The following NELL1 variants were observed in gnomAD, a reference collection of about 807,000 sequenced individuals.
The protein encoded by NELL1 is protein kinase C-binding protein NELL1.
A neutral mutation model predicts 107.4 loss-of-function variants in NELL1; 76 were observed. The ratio of observed to expected loss-of-function variants is 0.71; its 90% confidence interval spans 0.59 to 0.86. The LOEUF (loss-of-function observed/expected upper bound fraction) is 0.86. Among genes scored for constraint, NELL1 ranks in the 40% least tolerant of loss-of-function variants. The pLI, the probability that NELL1 is intolerant of heterozygous loss-of-function variation, is 0.00. For missense variants in NELL1, 1,024 were observed against 1,005.5 expected (o/e 1.02, Z -0.25); for synonymous variants, 353 against 341.2 (o/e 1.03, Z -0.38).
chr11:21,276,763 T>C (rs886875144), intron 14 of NELL1, among the ~76,000 whole-genome samples: 4 of 152,196 alleles, frequency 2.6e-5, no homozygotes, highest in African/African-American at 9.7e-5. Flanking sequence ...AACCATCTGA[T>C]CTTTGACAAA....
intron 14 of NELL1, among the ~76,000 whole-genome samples, chr11:21,257,635 T>A (rs1328474095): frequency 6.6e-6 from 1 of 151,806 alleles, no homozygotes; most frequent in Non-Finnish European, 1.5e-5. Flanking sequence ...GTTAGAGGAG[T>A]CATAGATGTT....
chr11:21,019,153 TG>T (rs1340089126), intron 12 of NELL1, among the ~76,000 whole-genome samples: 1 of 152,168 alleles, frequency 6.6e-6, no homozygotes, highest in Non-Finnish European at 1.5e-5. Flanking sequence ...CTGAGCTTCA[TG>T]TTCATGCTCT....
chr11:20,803,758 G>A lies in NELL1; in HGVS notation c.335+19928G>A, dbSNP rs551691823. Among the ~76,000 whole-genome samples, 4 of 152,266 alleles carry A rather than the reference G, an allele frequency of 2.6e-5. No homozygotes were observed. In the South Asian group the frequency reaches 8.3e-4, roughly 32 times the overall value. On this transcript the variant is annotated intron_variant, in intron 3 of 19. Transcript: ENST00000357134. The stretch of plus-strand genomic sequence containing the variant: ...ATTGATCCTGGGTGTGTCTATGAGG[G>A]TGTTGCCAAAGGAGATTAACATTAG...
At position 20,718,517 on chromosome 11, in the gene NELL1, A is replaced by AGT. The variant is rs555597679; in HGVS notation, c.184+40458_184+40459insTG. Among the ~76,000 whole-genome samples, 639 of 151,962 alleles carry AGT rather than the reference A, an allele frequency of 4.2e-3. 6 individuals carry two copies. Among genetic ancestry groups the AGT allele is most frequent in the Non-Finnish European group, 6.3e-3 (429 of 67,978 alleles). ...AATATTTTTTCTTTCACTGAGCATCAGCTATGTGCTAGGCACAGTACTGGG... is the reference window on the plus strand; with the variant it reads ...AATATTTTTTCTTTCACTGAGCATCAGTGCTATGTGCTAGGCACAGTACTGGG... On this transcript the variant is annotated intron_variant, in intron 2 of 19. Transcript: ENST00000357134.
chr11:21,004,752 A>G (rs1852293998), intron 12 of NELL1, among the ~76,000 whole-genome samples: 1 of 152,092 alleles, frequency 6.6e-6, no homozygotes, highest in Non-Finnish European at 1.5e-5. Flanking sequence ...TTTTAAAATA[A>G]AATTAGAGTG....
intron 12 of NELL1, among the ~76,000 whole-genome samples, chr11:21,044,005 G>A (rs1853299018): frequency 6.6e-6 from 1 of 152,152 alleles, no homozygotes; most frequent in Non-Finnish European, 1.5e-5. Context: ...ATCTGCTACT[G>A]GAGATATATC....
At chr11:21,463,038 A>G (rs1205300076) in intron 15 of NELL1, among the ~76,000 whole-genome samples, 1 of 152,104 alleles carries the variant, frequency 6.6e-6, no homozygotes, top group Non-Finnish European at 1.5e-5. Context: ...CATTAAGAAT[A>G]AATTTGCTGA....
At chr11:20,810,514 C>T (rs1432679809) in intron 3 of NELL1, among the ~76,000 whole-genome samples, 1 of 152,218 alleles carries the variant, frequency 6.6e-6, no homozygotes, top group Admixed American at 6.5e-5. Context: ...ATAATAGTCT[C>T]CAATCTCATC....
chr11:21,252,030 A>G (rs1858651636), intron 14 of NELL1, among the ~76,000 whole-genome samples: 1 of 152,178 alleles, frequency 6.6e-6, no homozygotes, highest in South Asian at 2.1e-4. Context: ...GAGTGTTTAC[A>G]CGCAAGACTG....
intron 14 of NELL1, among the ~76,000 whole-genome samples, chr11:21,335,116 T>A (rs776567702): frequency 6.6e-5 from 10 of 152,072 alleles, no homozygotes; most frequent in Non-Finnish European, 1.3e-4. Flanking sequence ...AAACTCATAA[T>A]ATGGAAGATA....
intron 13 of NELL1, among the ~76,000 whole-genome samples, chr11:21,196,293 T>G (rs1857150220): frequency 6.6e-6 from 1 of 152,150 alleles, no homozygotes; most frequent in Non-Finnish European, 1.5e-5. Flanking sequence ...ACCAGTGGCT[T>G]CCTACCGTAC....
chr11:21,277,914 G>T (rs1399253244), intron 14 of NELL1, among the ~76,000 whole-genome samples: 1 of 152,148 alleles, frequency 6.6e-6, no homozygotes, highest in Non-Finnish European at 1.5e-5. Flanking sequence ...TGAGGGAAGG[G>T]GGAGGGATAG....
At position 21,324,852 on chromosome 11, in the gene NELL1, A is replaced by T. The variant is rs115089443; in HGVS notation, c.1550-46001A>T. 7.5e-3 allele frequency among the ~76,000 whole-genome samples: 1,148 copies of T among 152,204 alleles called. 14 individuals carry two copies. The highest frequency in any genetic ancestry group is 0.026 in the African/African-American group (1,088 of 41,554). Reference sequence around the variant, plus strand: ...TGTTATAGAGTAAGGTCTTGAAAACACTGACTCTTCACTGAGAAATGCATT... The same window carrying T: ...TGTTATAGAGTAAGGTCTTGAAAACTCTGACTCTTCACTGAGAAATGCATT... On this transcript the variant is annotated intron_variant, in intron 14 of 19. Coordinates refer to ENST00000357134, the MANE Select transcript of NELL1 (RefSeq NM_006157.5).
intron 13 of NELL1, among the ~76,000 whole-genome samples, chr11:21,185,935 G>T (rs1856925865): frequency 6.6e-6 from 1 of 151,814 alleles, no homozygotes; most frequent in Admixed American, 6.6e-5. Flanking sequence ...GGAGCTCACA[G>T]AACTTATTGG....
In NELL1 at chr11:21,474,446, C is replaced by A. The variant is rs186875373; in HGVS notation, c.1646-59928C>A. On this transcript the variant is annotated intron_variant, in intron 15 of 19. Coordinates refer to ENST00000357134, the MANE Select transcript of NELL1 (RefSeq NM_006157.5). ...CTTGCTTGCTGCTGAATTCCCAAAG[C>A]CAAGAACAATATTCAGCACATAGTA... 3.3e-5 allele frequency among the ~76,000 whole-genome samples: 5 copies of A among 151,872 alleles called. No homozygotes were observed. The East Asian group carries it at 9.7e-4, about 29-fold the overall frequency.
chr11:21,224,360 G>T (rs931626631), intron 13 of NELL1, among the ~76,000 whole-genome samples: 1 of 151,338 alleles, frequency 6.6e-6, no homozygotes, highest in African/African-American at 2.4e-5. Flanking sequence ...CTCCTGTGAA[G>T]TTATGACCAC....
At chr11:20,949,524 G>T (rs1217562517) in intron 11 of NELL1, among the ~76,000 whole-genome samples, 2 of 152,238 alleles carry the variant, frequency 1.3e-5, no homozygotes, top group East Asian at 3.9e-4. Context: ...CTATTTGTTG[G>T]GGTGCCAAGT....
chr11:21,565,659 G>A lies in NELL1; in HGVS notation c.1981-5105G>A, dbSNP rs1032113304. Reference sequence around the variant, plus strand: ...TTTTCCTATCCCCTAGCCTCCTCACGATACAAAAGGTGCATCACAGTGGAA... The same window carrying A: ...TTTTCCTATCCCCTAGCCTCCTCACAATACAAAAGGTGCATCACAGTGGAA... On this transcript the variant is annotated intron_variant, in intron 17 of 19. Transcript: ENST00000357134. 3.3e-5 allele frequency among the ~76,000 whole-genome samples: 5 copies of A among 151,866 alleles called. No individual in the cohort carries two copies. In the East Asian group the frequency reaches 5.8e-4, roughly 18 times the overall value.
At chr11:21,010,185 A>C (rs1202882271) in intron 12 of NELL1, among the ~76,000 whole-genome samples, 1 of 152,098 alleles carries the variant, frequency 6.6e-6, no homozygotes, top group African/African-American at 2.4e-5. Flanking sequence ...GAAAAACAGC[A>C]GTCTACTGCT....
Sources: gnomAD v4.1 joint callset for allele counts (sites outside exome capture counted in the v4.1 genomes callset) on GRCh38, gnomAD v4.1.1 for gene constraint, MANE v1.5 for transcripts, NCBI Gene and HGNC (gene_info 2026-07-23, HGNC 2026-07-21) for gene names.